TENM1: variants seen among roughly 807,000 people sequenced by gnomAD.
The protein encoded by TENM1 is teneurin-1.
TENM1 carries 35 observed loss-of-function variants against 174.8 expected under a neutral mutation model. The ratio of observed to expected loss-of-function variants is 0.20; its 90% CI spans 0.15 to 0.27. TENM1 has a LOEUF of 0.27. TENM1 is among the 10% of genes least tolerant of loss of function. The pLI, the probability that TENM1 is intolerant of heterozygous loss-of-function variation, is 1.00. For missense variants in TENM1, 1,633 were observed against 2,130.1 expected (o/e 0.77, Z 4.59); for synonymous variants, 781 against 798.7 (o/e 0.98, Z 0.37).
At chrX:124,802,967 A>G (rs957344860) in intron 3 of TENM1, among the ~76,000 whole-genome samples, 8 of 112,148 alleles carry the variant, frequency 7.1e-5, no homozygotes, top group African/African-American at 2.3e-4. Flanking sequence ...AATACCCCCA[A>G]GTAAAATTCA....
chrX:124,476,102 C>T (rs1271383529), intron 22 of TENM1, among the ~76,000 whole-genome samples: 3 of 111,853 alleles, frequency 2.7e-5, no homozygotes, highest in Non-Finnish European at 5.6e-5. Context: ...AAAAACCATA[C>T]CACTTCCATT....
intron 25 of TENM1, among the ~76,000 whole-genome samples, chrX:124,412,571 C>T (rs760737284): frequency 8.8e-4 from 99 of 112,613 alleles, no homozygotes; most frequent in Non-Finnish European, 1.8e-3. Context: ...GTCAGACCCT[C>T]TTTACACTTT....
At chrX:124,964,132 T>C (rs143446897), upstream of TENM1, among the ~76,000 whole-genome samples, 3,865 of 112,470 alleles carry the variant, frequency 0.034, 111 homozygotes, top group African/African-American at 0.1. Flanking sequence ...GTGTTTTTAA[T>C]GTTAAAATCA....
Position 124,497,223 on chromosome X carries a change from T to C in TENM1, c.3488A>G (p.Gln1163Arg), listed in dbSNP as rs1368810211. 9 of 1,209,176 alleles carry C rather than the reference T, an allele frequency of 7.4e-6. No individual in the cohort carries two copies. The highest frequency in any genetic ancestry group is 1.0e-5 in the Non-Finnish European group (9 of 893,903). The change falls in exon 20 of 32, where the codon CAG becomes CGG. Residue 1163 changes from glutamine to arginine, a missense_variant. By Grantham distance (43) the Gln-to-Arg change is conservative. This residue lies in a region of TENM1 where 449 missense variants were observed against 636.2 expected (regional missense o/e 0.71). Coordinates refer to ENST00000422452, the Ensembl canonical transcript of TENM1. Reference sequence around the variant, plus strand: ...TATGGTTGATATGACTGGGGGCTGCTGGGAAATGAACATATTTTCTCCATT... The same window carrying C: ...TATGGTTGATATGACTGGGGGCTGCCGGGAAATGAACATATTTTCTCCATT...
chrX:125,108,014 A>G, the TENM1 span, among the ~76,000 whole-genome samples: 1 of 111,855 alleles, frequency 8.9e-6, no homozygotes, highest in Non-Finnish European at 1.9e-5. Flanking sequence ...AAGTTTATAA[A>G]ACATACAAAT....
intron 20 of TENM1, among the ~76,000 whole-genome samples, chrX:124,493,590 C>T (rs1431885549): frequency 2.7e-5 from 3 of 111,055 alleles, no homozygotes; most frequent in Non-Finnish European, 5.7e-5. Context: ...AATTGTTCAG[C>T]GCTCCCATCT....
At chrX:124,454,418 GT>G (rs2061081061) in intron 22 of TENM1, among the ~76,000 whole-genome samples, 4 of 108,493 alleles carry the variant, frequency 3.7e-5, no homozygotes, top group Non-Finnish European at 5.7e-5. Flanking sequence ...TTTTTTTTTT[GT>G]TTTTGAGGGA....
At chrX:125,156,023 C>T in the TENM1 span, among the ~76,000 whole-genome samples, 1 of 112,547 alleles carries the variant, frequency 8.9e-6, no homozygotes, top group African/African-American at 3.2e-5. Context: ...TGTCACCTCT[C>T]AGTAGGAGCA....
intron 4 of TENM1, among the ~76,000 whole-genome samples, chrX:124,708,297 G>A (rs2052959628): frequency 9.0e-6 from 1 of 111,577 alleles, no homozygotes; most frequent in Admixed American, 9.5e-5. Context: ...CCACAACAGA[G>A]AATTTTGCTT....
chrX:124,843,823 T>C (rs1161393765), intron 3 of TENM1, among the ~76,000 whole-genome samples: 1 of 111,537 alleles, frequency 9.0e-6, no homozygotes, highest in Non-Finnish European at 1.9e-5. Flanking sequence ...GTGCTTGTAG[T>C]TCCATTAACT....
chrX:124,620,382 C>A (rs1194603847), intron 11 of TENM1, among the ~76,000 whole-genome samples: 1 of 111,386 alleles, frequency 9.0e-6, no homozygotes, highest in African/African-American at 3.3e-5. Flanking sequence ...AAAAAAAAAT[C>A]TCCCAATTTA....
the TENM1 span, among the ~76,000 whole-genome samples, chrX:125,119,074 T>C: frequency 6.6e-4 from 74 of 111,987 alleles, no homozygotes; most frequent in African/African-American, 2.0e-3. Flanking sequence ...TCCATTTAAT[T>C]GCAAAATAGC....
chrX:125,055,388 G>A, the TENM1 span, among the ~76,000 whole-genome samples: 1 of 110,980 alleles, frequency 9.0e-6, no homozygotes, highest in East Asian at 2.8e-4. Context: ...TTTCACTGCC[G>A]TGAAGATACT....
At chrX:124,570,262 T>C (rs891632978) in intron 11 of TENM1, among the ~76,000 whole-genome samples, 2 of 111,413 alleles carry the variant, frequency 1.8e-5, no homozygotes, top group African/African-American at 6.5e-5. Context: ...TTTGTAAATA[T>C]ACCAAACTTT....
chrX:125,151,010 ACAAAGT>A, the TENM1 span, among the ~76,000 whole-genome samples: 8 of 112,539 alleles, frequency 7.1e-5, no homozygotes, highest in Non-Finnish European at 3.7e-5. Context: ...TGAGGTTTAT[ACAAAGT>A]CAAAGTTATC....
At chrX:124,843,510 C>T (rs1181027093) in intron 3 of TENM1, among the ~76,000 whole-genome samples, 3 of 111,479 alleles carry the variant, frequency 2.7e-5, no homozygotes, top group Non-Finnish European at 5.7e-5. Flanking sequence ...CCAGATCACT[C>T]ATTTAAGAGA....
chrX:125,161,968 G>C, the TENM1 span, among the ~76,000 whole-genome samples: 1 of 111,883 alleles, frequency 8.9e-6, no homozygotes, highest in Non-Finnish European at 1.9e-5. Context: ...GATTGGCTAA[G>C]GAAGAGTGAT....
chrX:125,160,435 G>A, the TENM1 span, among the ~76,000 whole-genome samples: 6 of 104,688 alleles, frequency 5.7e-5, no homozygotes, highest in Non-Finnish European at 1.2e-4. Flanking sequence ...GGCTGAGGCA[G>A]GAGAATTGTT....
chrX:125,092,143 C>T, the TENM1 span, among the ~76,000 whole-genome samples: 1 of 110,129 alleles, frequency 9.1e-6, no homozygotes, highest in Non-Finnish European at 1.9e-5. Context: ...AAAATTATGC[C>T]GCACCCTTGT....
Sources: allele counts gnomAD v4.1 joint callset (sites outside exome capture counted in the v4.1 genomes callset), GRCh38; gene constraint gnomAD v4.1.1; regional missense constraint gnomAD v4.1.1; transcripts MANE v1.5; gene names NCBI Gene and HGNC (gene_info 2026-07-23, HGNC 2026-07-21).